The following HIP1 variants were observed in gnomAD, a reference collection of about 807,000 sequenced individuals.
HIP1 encodes huntingtin-interacting protein 1.
HIP1 carries 65 observed loss-of-function variants against 147.6 expected under a neutral mutation model. The observed-to-expected ratio is 0.44, with a 90% confidence interval of 0.36 to 0.54. The LOEUF (loss-of-function observed/expected upper bound fraction) is 0.54, where lower values mean the gene tolerates loss of function less well. HIP1 is among the 20% of genes least tolerant of loss of function. The probability of loss-of-function intolerance (pLI) is 0.00; values close to 1 mark genes in which losing one functional copy is unlikely to be tolerated. For missense variants in HIP1, 1,061 were observed against 1,299.6 expected (o/e 0.82, Z 2.82); for synonymous variants, 479 against 504.0 (o/e 0.95, Z 0.67).
chr7:75,639,246 G>A, intron 1 of HIP1: 1 of 910,702 alleles, frequency 1.1e-6, no homozygotes, highest in Non-Finnish European at 1.3e-6. Flanking sequence ...AGAAAGGAAG[G>A]GGAGGGGGAG....
Position 75,538,175 on chromosome 7 carries a change from T to G in HIP1, c.3111A>C (p.Glu1037Asp). The change falls in exon 31 of 31, where the codon GAA (glutamate) becomes GAC (aspartate). Residue 1037 changes from glutamate to aspartate, a missense_variant. Glu to Asp is a conservative substitution (Grantham distance 45). Transcript: ENST00000336926. Reference sequence around the variant, plus strand: ...CATATGGGGTGTTGGTTTGGCTCTATTCTTTTTCGGTTACCACTTCTTGCA... The same window carrying G: ...CATATGGGGTGTTGGTTTGGCTCTAGTCTTTTTCGGTTACCACTTCTTGCA... ...PTLQEVVTEK[E>D] 1 of 1,611,594 alleles carries G rather than the reference T, an allele frequency of 6.2e-7. No individual in the cohort carries two copies. Among genetic ancestry groups the G allele is most frequent in the East Asian group, 2.2e-5 (1 of 44,880 alleles).
In HIP1 at chr7:75,536,904, G is replaced by A. The variant is rs587687247; in HGVS notation, c.*1268C>T. 1 of 231,096 alleles carries A rather than the reference G, an allele frequency of 4.3e-6. No individual in the cohort carries two copies. The highest frequency in any genetic ancestry group is 5.6e-5 in the Admixed American group (1 of 17,728). The allele number at this position is 231,096 out of a possible 1,614,324, so 14.3% of individuals were successfully genotyped here. A position where few individuals can be genotyped will look rare whatever the true frequency, so the allele number is the denominator to read the frequency against. On this transcript the variant is annotated 3_prime_UTR_variant, in exon 31 of 31. Coordinates refer to ENST00000336926, the MANE Select transcript of HIP1 (RefSeq NM_005338.7). ...AAGGGAGGTTAGTAATAAATACTAA[G>A]GGTAGCAAACCAAGTATAGGGTTCT...
chr7:75,595,768 A>T (rs1296832489), intron 2 of HIP1, among the ~76,000 whole-genome samples: 3 of 152,176 alleles, frequency 2.0e-5, no homozygotes, highest in African/African-American at 7.2e-5. Context: ...GGAGAAAAAA[A>T]AGAAAATAAG....
intron 1 of HIP1, among the ~76,000 whole-genome samples, chr7:75,710,672 G>C (rs141836194): frequency 0.015 from 2,353 of 152,288 alleles, 31 homozygotes; most frequent in Non-Finnish European, 0.025. Context: ...AGGATCACTT[G>C]AGGCCAGGAG....
chr7:75,656,773 G>C (rs1554512754), intron 1 of HIP1, among the ~76,000 whole-genome samples: 1 of 152,042 alleles, frequency 6.6e-6, no homozygotes, highest in Non-Finnish European at 1.5e-5. Context: ...CACTGCGCCT[G>C]GCTGAGAAGA....
chr7:75,574,050 T>C, intron 7 of HIP1, 149 bp from the exon 8 acceptor site: 1 of 598,576 alleles, frequency 1.7e-6, no homozygotes, highest in Non-Finnish European at 2.9e-6. Flanking sequence ...TTCACAACAC[T>C]CCCATGAGAT....
chr7:75,702,902 T>C (rs1554519296), intron 1 of HIP1, among the ~76,000 whole-genome samples: 1 of 152,200 alleles, frequency 6.6e-6, no homozygotes, highest in Non-Finnish European at 1.5e-5. Flanking sequence ...AACCTATTCA[T>C]GAGGTATCTG....
intron 1 of HIP1, among the ~76,000 whole-genome samples, chr7:75,665,075 T>C (rs1335111689): frequency 6.6e-6 from 1 of 151,976 alleles, no homozygotes. Flanking sequence ...ATATAGTGAA[T>C]ATAGTGAGAC....
chr7:75,617,028 C>T (rs1049637549), intron 1 of HIP1, among the ~76,000 whole-genome samples: 1 of 151,914 alleles, frequency 6.6e-6, no homozygotes, highest in Non-Finnish European at 1.5e-5. Context: ...ACCTCAGCCT[C>T]CCAAAATAGT....
chr7:75,556,754 G>T lies in HIP1; in HGVS notation c.1639C>A (p.Arg547=). The change falls in exon 17 of 31, where the codon CGG becomes AGG. Residue 547 remains arginine, a synonymous_variant. Coordinates refer to ENST00000336926, the MANE Select transcript of HIP1 (RefSeq NM_005338.7). ...CTGCCTTGCAGAACCTGAAGCTCCCGTTGGCTTGTGGCAAGTTCCTGCTTC... is the reference window on the plus strand; with the variant it reads ...CTGCCTTGCAGAACCTGAAGCTCCCTTTGGCTTGTGGCAAGTTCCTGCTTC... ...SLKQELATSQ[R]ELQVLQGSLE... is the part of the protein sequence containing the mutation. The T allele has an allele frequency of 6.2e-7, 1 of 1,613,424 alleles. No homozygotes were observed. The highest frequency in any genetic ancestry group is 1.1e-5 in the South Asian group (1 of 91,074).
intron 27 of HIP1, among the ~76,000 whole-genome samples, chr7:75,544,007 C>T (rs1794434136): frequency 6.6e-6 from 1 of 152,112 alleles, no homozygotes; most frequent in African/African-American, 2.4e-5. Flanking sequence ...CCCGTCTCCA[C>T]TAAAAATACA....
intron 7 of HIP1, among the ~76,000 whole-genome samples, chr7:75,578,742 T>A (rs1252728001): frequency 1.3e-5 from 2 of 152,174 alleles, no homozygotes; most frequent in Admixed American, 6.6e-5. Context: ...ACATACGTTG[T>A]TCCCACCAAA....
At chr7:75,728,130 C>T (rs184470854) in intron 1 of HIP1, among the ~76,000 whole-genome samples, 22 of 152,178 alleles carry the variant, frequency 1.4e-4, no homozygotes, top group African/African-American at 4.8e-4. Flanking sequence ...TGTCAACATG[C>T]CTTTAAACGA....
At chr7:75,567,403 T>C (rs1467693809) in intron 9 of HIP1, among the ~76,000 whole-genome samples, 1 of 151,462 alleles carries the variant, frequency 6.6e-6, no homozygotes, top group Non-Finnish European at 1.5e-5. Context: ...AATCTCTTTC[T>C]TCTATATGCT....
chr7:75,613,576 C>A (rs1227331485), intron 1 of HIP1, among the ~76,000 whole-genome samples: 5 of 152,050 alleles, frequency 3.3e-5, no homozygotes, highest in African/African-American at 1.2e-4. Flanking sequence ...GAAATCTGGG[C>A]CCCTATTTTC....
intron 1 of HIP1, among the ~76,000 whole-genome samples, chr7:75,679,346 G>T (rs1302799802): frequency 3.3e-5 from 5 of 152,172 alleles, no homozygotes; most frequent in Admixed American, 3.3e-4. Context: ...TGGGACTACA[G>T]GCATGCACCA....
At chr7:75,544,840 T>C in intron 26 of HIP1, 40 bp from the exon 27 acceptor site, 1 of 1,297,686 alleles carries the variant, frequency 7.7e-7, no homozygotes, top group East Asian at 2.3e-5. Context: ...TACGGGCAAA[T>C]GAGCTGCAAC....
At chr7:75,538,670 G>T (rs1794181186) in intron 30 of HIP1, among the ~76,000 whole-genome samples, 1 of 151,488 alleles carries the variant, frequency 6.6e-6, no homozygotes, top group African/African-American at 2.4e-5. Context: ...CGCCTCCCGG[G>T]TTCACGCCAT....
chr7:75,575,559 G>A (rs1286051853), intron 7 of HIP1, among the ~76,000 whole-genome samples: 2 of 152,100 alleles, frequency 1.3e-5, no homozygotes, highest in Non-Finnish European at 2.9e-5. Context: ...TGAAACTTGG[G>A]GCACCTGTCA....
Sources: gnomAD v4.1 joint callset for allele counts (sites outside exome capture counted in the v4.1 genomes callset) on GRCh38, gnomAD v4.1.1 for gene constraint, MANE v1.5 for transcripts, NCBI Gene and HGNC (gene_info 2026-07-23, HGNC 2026-07-21) for gene names.